Variants in CAMTA1 observed in about 807,000 individuals in gnomAD.
The protein encoded by CAMTA1 is calmodulin-binding transcription activator 1.
A neutral mutation model predicts 170.9 loss-of-function variants in CAMTA1; 27 were observed. That is an observed-to-expected ratio of 0.16 (90% CI 0.12 to 0.22). The LOEUF is 0.22. Ranked by LOEUF, CAMTA1 falls within the 10% of genes least tolerant of loss-of-function variation. The probability of loss-of-function intolerance (pLI) is 1.00; values close to 1 mark genes in which losing one functional copy is unlikely to be tolerated. For missense variants in CAMTA1, 1,619 were observed against 2,217.2 expected, an observed-to-expected ratio of 0.73 and a Z score of 5.42; for synonymous variants, 833 against 891.5, an observed-to-expected ratio of 0.93 and a Z score of 1.17.
At chr1:7,053,812 G>A (rs1287519007) in intron 3 of CAMTA1, among the ~76,000 whole-genome samples, 1 of 152,218 alleles carries the variant, frequency 6.6e-6, no homozygotes, top group Non-Finnish European at 1.5e-5. Flanking sequence ...CCTGGGACCT[G>A]GTGGTTGGTT....
At chr1:7,184,392 A>G (rs571864918) in intron 4 of CAMTA1, among the ~76,000 whole-genome samples, 1 of 152,330 alleles carries the variant, frequency 6.6e-6, no homozygotes, top group East Asian at 1.9e-4. Context: ...GTTTGTAACA[A>G]AGGATAAATG....
At chr1:6,800,177 G>A (rs1328804253) in intron 1 of CAMTA1, among the ~76,000 whole-genome samples, 2 of 152,084 alleles carry the variant, frequency 1.3e-5, no homozygotes, top group East Asian at 1.9e-4. Flanking sequence ...AGGCCGAGAC[G>A]GGAGGATTGC....
intron 16 of CAMTA1, among the ~76,000 whole-genome samples, chr1:7,741,335 G>A (rs531552434): frequency 9.2e-4 from 140 of 152,110 alleles, no homozygotes; most frequent in African/African-American, 3.1e-3. Context: ...AGGCCGAGGC[G>A]GGCGGATCAC....
chr1:6,888,343 A>G, intron 3 of CAMTA1: 1 of 727,828 alleles, frequency 1.4e-6, no homozygotes, highest in Non-Finnish European at 1.7e-6. Flanking sequence ...CTGGAAGCCT[A>G]GTTCAGGGTG....
At chr1:7,258,317 A>T (rs1445215578) in intron 5 of CAMTA1, among the ~76,000 whole-genome samples, 1 of 151,822 alleles carries the variant, frequency 6.6e-6, no homozygotes, top group African/African-American at 2.4e-5. Context: ...TAAGCTAGAA[A>T]CTCCCTGATG....
At chr1:7,284,180 A>ATTC (rs1557438616) in intron 5 of CAMTA1, among the ~76,000 whole-genome samples, 1 of 80,884 alleles carries the variant, frequency 1.2e-5, no homozygotes, top group Non-Finnish European at 2.5e-5. Context: ...TCTTCTTCTT[A>ATTC]TTATTATTAT....
chr1:7,477,855 C>T (rs1232389860), intron 6 of CAMTA1, among the ~76,000 whole-genome samples: 3 of 152,066 alleles, frequency 2.0e-5, no homozygotes, highest in African/African-American at 4.8e-5. Flanking sequence ...GCCGTGTGGA[C>T]GAGTGGGTAC....
chr1:7,447,195 C>T (rs996171228), intron 5 of CAMTA1, among the ~76,000 whole-genome samples: 14 of 152,176 alleles, frequency 9.2e-5, no homozygotes, highest in African/African-American at 2.9e-4. Context: ...CATTGCTTTA[C>T]CAGAAGGGCA....
At chr1:7,396,663 A>G (rs1223740481) in intron 5 of CAMTA1, among the ~76,000 whole-genome samples, 1 of 152,228 alleles carries the variant, frequency 6.6e-6, no homozygotes, top group Non-Finnish European at 1.5e-5. Flanking sequence ...GTGTTGAGGT[A>G]CATTTCCTGT....
intron 5 of CAMTA1, among the ~76,000 whole-genome samples, chr1:7,257,852 G>A (rs534376016): frequency 4.6e-5 from 7 of 152,298 alleles, no homozygotes; most frequent in Middle Eastern, 3.4e-3. Flanking sequence ...TGCAGACAGA[G>A]GTTTGTCTGT....
chr1:7,059,914 G>A (rs749598903), intron 3 of CAMTA1, among the ~76,000 whole-genome samples: 1 of 152,134 alleles, frequency 6.6e-6, no homozygotes, highest in Non-Finnish European at 1.5e-5. Context: ...TTAGAGAGGA[G>A]CAATCTAAGG....
At chr1:6,786,735 A>G (rs1639507281) in intron 1 of CAMTA1, among the ~76,000 whole-genome samples, 3 of 151,784 alleles carry the variant, frequency 2.0e-5, no homozygotes, top group African/African-American at 7.3e-5. Flanking sequence ...TCCTTTCGCC[A>G]TTTGTGTGTC....
At chr1:7,232,320 C>T (rs994861308) in intron 4 of CAMTA1, among the ~76,000 whole-genome samples, 11 of 152,172 alleles carry the variant, frequency 7.2e-5, no homozygotes, top group African/African-American at 2.4e-4. Flanking sequence ...TCATGGCCGG[C>T]TCTCGCTTCC....
chr1:7,502,940 G>A (rs2094033316), intron 6 of CAMTA1, among the ~76,000 whole-genome samples: 1 of 151,004 alleles, frequency 6.6e-6, no homozygotes, highest in Non-Finnish European at 1.5e-5. Context: ...GGCTCACCCT[G>A]GGCACAGATG....
chr1:7,105,995 T>C (rs944299904), intron 4 of CAMTA1, among the ~76,000 whole-genome samples: 1 of 152,150 alleles, frequency 6.6e-6, no homozygotes, highest in Non-Finnish European at 1.5e-5. Context: ...TGATTTCCTA[T>C]CCACTAATGC....
chr1:7,058,858 T>TAC (rs1249493633), intron 3 of CAMTA1, among the ~76,000 whole-genome samples: 2 of 147,564 alleles, frequency 1.4e-5, no homozygotes, highest in South Asian at 2.2e-4. Context: ...AAGAATGGTG[T>TAC]ACACACACAC....
intron 5 of CAMTA1, among the ~76,000 whole-genome samples, chr1:7,255,308 TATA>T (rs999200251): frequency 6.7e-4 from 102 of 152,122 alleles, no homozygotes; most frequent in African/African-American, 2.2e-3. Context: ...AATAAAAAAT[TATA>T]ATAATAAGAA....
At chr1:7,184,565 G>C (rs10864285) in intron 4 of CAMTA1, among the ~76,000 whole-genome samples, 36,825 of 151,996 alleles carry the variant, frequency 0.24, 4,535 homozygotes, top group Admixed American at 0.29. Context: ...ACACAGATCT[G>C]TGTAGTTTAG....
chr1:7,454,385 C>T (rs2092903166), intron 5 of CAMTA1, among the ~76,000 whole-genome samples: 1 of 152,234 alleles, frequency 6.6e-6, no homozygotes, highest in Non-Finnish European at 1.5e-5. Context: ...TTTTATGTGC[C>T]AGTCACTGCA....
Sources: gnomAD v4.1 joint callset for allele counts (sites outside exome capture counted in the v4.1 genomes callset) on GRCh38, gnomAD v4.1.1 for gene constraint, MANE v1.5 for transcripts, NCBI Gene and HGNC (gene_info 2026-07-23, HGNC 2026-07-21) for gene names.